The following EYS variants were observed in gnomAD, a reference collection of about 807,000 sequenced individuals.
EYS encodes the protein protein eyes shut homolog.
Under a neutral mutation model 282.1 loss-of-function variants are expected in EYS, and 250 were observed. That is an observed-to-expected ratio of 0.89 (90% confidence interval 0.80 to 0.98). The LOEUF (loss-of-function observed/expected upper bound fraction) is 0.98. EYS is among the 50% of genes least tolerant of loss of function. EYS has a pLI of 0.00. For synonymous variants in EYS, 1,355 were observed against 1,282.9 expected (o/e 1.06, Z -1.20); for missense variants, 4,016 against 3,709.0 (o/e 1.08, Z -2.15).
chr6:64,974,249 T>C (rs1005101675), intron 14 of EYS, among the ~76,000 whole-genome samples: 45 of 151,890 alleles, frequency 3.0e-4, no homozygotes, highest in African/African-American at 9.6e-4. Flanking sequence ...TAAAGAAAAG[T>C]ATGAAAGGGG....
chr6:63,855,180 G>A (rs374069670), intron 36 of EYS, among the ~76,000 whole-genome samples: 18 of 152,322 alleles, frequency 1.2e-4, no homozygotes, highest in Admixed American at 3.9e-4. Flanking sequence ...TCTAAAGAAA[G>A]ACAAGTCAGA....
intron 35 of EYS, among the ~76,000 whole-genome samples, chr6:63,931,527 C>A (rs1764894325): frequency 6.6e-6 from 1 of 152,200 alleles, no homozygotes; most frequent in Non-Finnish European, 1.5e-5. Context: ...GCTCTGCCTT[C>A]CTCTTGTTTT....
intron 5 of EYS, among the ~76,000 whole-genome samples, chr6:65,443,671 AT>A (rs1253905411): frequency 6.6e-6 from 1 of 151,568 alleles, no homozygotes; most frequent in Non-Finnish European, 1.5e-5. Context: ...ATACGTATAC[AT>A]CATATACACA....
At chr6:63,776,939 G>A (rs1201641583) in intron 40 of EYS, among the ~76,000 whole-genome samples, 1 of 152,160 alleles carries the variant, frequency 6.6e-6, no homozygotes, top group Admixed American at 6.6e-5. Flanking sequence ...AAGTTTAGTT[G>A]TAGAGCAAAT....
intron 1 of EYS, among the ~76,000 whole-genome samples, chr6:65,640,275 G>T (rs1767232233): frequency 6.6e-6 from 1 of 152,198 alleles, no homozygotes. Flanking sequence ...AATGTCAGCA[G>T]TAATTCAGTG....
intron 2 of EYS, among the ~76,000 whole-genome samples, chr6:65,585,983 A>C (rs896050577): frequency 5.3e-5 from 8 of 152,042 alleles, no homozygotes; most frequent in African/African-American, 1.9e-4. Flanking sequence ...TTGTGCACCT[A>C]GCTATTCATA....
rs1285837306 is a variant in EYS, at chr6:64,490,813, G to A, written c.5645-51461C>T. 2.0e-5 allele frequency among the ~76,000 whole-genome samples: 3 copies of A among 150,830 alleles called. No homozygotes were observed. The East Asian group carries it at 5.8e-4, about 29-fold the overall frequency. On this transcript the variant is annotated intron_variant, in intron 26 of 42. Transcript: ENST00000503581. Reference sequence around the variant, plus strand: ...ACAGACAAATGGACAGTGCTTGGAAGAATAAAAATGTATTTTAAAACTTCT... The same window carrying A: ...ACAGACAAATGGACAGTGCTTGGAAAAATAAAAATGTATTTTAAAACTTCT...
intron 13 of EYS, among the ~76,000 whole-genome samples, chr6:65,009,265 C>A (rs370775676): frequency 6.6e-6 from 1 of 152,068 alleles, no homozygotes; most frequent in Non-Finnish European, 1.5e-5. Context: ...AAATTAAGGA[C>A]CTAAAAGCCC....
At chr6:64,967,710 T>C (rs916716419) in intron 14 of EYS, among the ~76,000 whole-genome samples, 1 of 152,210 alleles carries the variant, frequency 6.6e-6, no homozygotes, top group Admixed American at 6.5e-5. Context: ...AAATCTGTAC[T>C]ATAAAATTAA....
intron 33 of EYS, among the ~76,000 whole-genome samples, chr6:64,047,948 T>C (rs1770683166): frequency 6.6e-6 from 1 of 152,134 alleles, no homozygotes; most frequent in African/African-American, 2.4e-5. Context: ...CTCTGTTGCT[T>C]AGGCTGGAGT....
At chr6:64,029,106 G>T (rs1184379001) in intron 33 of EYS, among the ~76,000 whole-genome samples, 1 of 152,184 alleles carries the variant, frequency 6.6e-6, no homozygotes, top group East Asian at 1.9e-4. Context: ...TCATCTAGTA[G>T]AATGGGAACC....
chr6:65,636,983 T>C (rs994256713), intron 2 of EYS, among the ~76,000 whole-genome samples: 1 of 152,020 alleles, frequency 6.6e-6, no homozygotes, highest in South Asian at 2.1e-4. Flanking sequence ...GGATATGTTG[T>C]TTTTTTAAAA....
At chr6:63,738,032 A>G (rs1768969032) in intron 41 of EYS, among the ~76,000 whole-genome samples, 1 of 152,198 alleles carries the variant, frequency 6.6e-6, no homozygotes. Flanking sequence ...CAAAACCACA[A>G]TGAGATATCA....
intron 36 of EYS, among the ~76,000 whole-genome samples, chr6:63,813,974 C>T (rs1240380827): frequency 6.6e-6 from 1 of 152,152 alleles, no homozygotes; most frequent in African/African-American, 2.4e-5. Context: ...TGATTGCTTG[C>T]CTCTCCAGTT....
At chr6:65,596,871 T>C (rs1341230192) in intron 2 of EYS, among the ~76,000 whole-genome samples, 1 of 152,094 alleles carries the variant, frequency 6.6e-6, no homozygotes, top group Non-Finnish European at 1.5e-5. Flanking sequence ...AGTGGGATGA[T>C]AAGATTTTTG....
At chr6:65,111,628 A>G (rs768205137) in intron 12 of EYS, among the ~76,000 whole-genome samples, 5 of 152,102 alleles carry the variant, frequency 3.3e-5, no homozygotes, top group Non-Finnish European at 5.9e-5. Flanking sequence ...CAGGCAGATC[A>G]CCTGAGGTCA....
At chr6:64,637,921 G>T (rs1430453970) in intron 22 of EYS, among the ~76,000 whole-genome samples, 2 of 90,266 alleles carry the variant, frequency 2.2e-5, no homozygotes, top group African/African-American at 4.2e-5. Flanking sequence ...AAAGAAAAAA[G>T]AAATTTTTTT....
At chr6:64,584,202 T>C (rs575716966) in intron 26 of EYS, among the ~76,000 whole-genome samples, 106 of 151,992 alleles carry the variant, frequency 7.0e-4, no homozygotes, top group African/African-American at 2.5e-3. Context: ...ATGTAAAAAA[T>C]AAAAGTAAAT....
chr6:65,072,705 C>A lies in EYS; in HGVS notation c.2024-14978G>T, dbSNP rs75222058. Among the ~76,000 whole-genome samples the A allele has an allele frequency of 5.4e-3, 817 of 151,406 alleles. 8 individuals carry two copies. The highest frequency in any genetic ancestry group is 0.017 in the South Asian group (81 of 4,810). ...CAATTAGAATACTCAGTAATGAGGT[C>A]ATCAAATTCAAAAAAGAATCACAAA... On this transcript the variant is annotated intron_variant, in intron 12 of 42. Coordinates refer to ENST00000503581, the MANE Select transcript of EYS (RefSeq NM_001142800.2).
Sources: gnomAD v4.1 joint callset for allele counts (sites outside exome capture counted in the v4.1 genomes callset) on GRCh38, gnomAD v4.1.1 for gene constraint, MANE v1.5 for transcripts, NCBI Gene and HGNC (gene_info 2026-07-23, HGNC 2026-07-21) for gene names.